TAOK1: variants seen among roughly 807,000 people sequenced by gnomAD.
TAOK1 encodes serine/threonine-protein kinase TAO1.
Under a neutral mutation model 138.3 loss-of-function variants are expected in TAOK1, and 21 were observed. The ratio of observed to expected loss-of-function variants is 0.15; its 90% CI spans 0.11 to 0.22. TAOK1 has a LOEUF of 0.22. Ranked by LOEUF, TAOK1 falls within the 10% of genes least tolerant of loss-of-function variation. The probability of loss-of-function intolerance (pLI) is 1.00; values close to 1 mark genes in which losing one functional copy is unlikely to be tolerated. For missense variants in TAOK1, 651 were observed against 1,227.7 expected (o/e 0.53, Z 7.02); for synonymous variants, 361 against 398.4 (o/e 0.91, Z 1.12).
chr17:29,419,435 A>ATCCACCCGCCTCGGCC (rs1243535412), intron 1 of TAOK1, among the ~76,000 whole-genome samples: 1 of 150,730 alleles, frequency 6.6e-6, no homozygotes, highest in African/African-American at 2.4e-5. Flanking sequence ...ACATCAATTG[A>ATCCACCCGCCTCGGCC]TCCACCCGCC....
At chr17:29,397,627 T>TACATGTACATTCATGTATG (rs1555555323) in intron 1 of TAOK1, among the ~76,000 whole-genome samples, 4 of 44,746 alleles carry the variant, frequency 8.9e-5, no homozygotes, top group Non-Finnish European at 1.5e-4. Context: ...TATATATATA[T>TACATGTACATTCATGTATG]ATACATGTAT....
At chr17:29,393,107 T>A (rs1335426420) in intron 1 of TAOK1, among the ~76,000 whole-genome samples, 1 of 152,188 alleles carries the variant, frequency 6.6e-6, no homozygotes, top group Non-Finnish European at 1.5e-5. Flanking sequence ...CAAAGCTGCA[T>A]GTTGTTGATA....
Position 29,538,524 on chromosome 17 carries a change from C to G in TAOK1, c.2545-4037C>G, listed in dbSNP as rs2032262130. On this transcript the variant is annotated intron_variant, in intron 19 of 19. Transcript: ENST00000261716. The stretch of plus-strand genomic sequence containing the variant: ...GCAATCACTAAGACCCTGTACCTCT[C>G]TACAAAAACTTTGTAAAATCCTAAA... Among the ~76,000 whole-genome samples, 2 of 152,156 alleles carry G rather than the reference C, an allele frequency of 1.3e-5. 1 individual carries two copies. Among genetic ancestry groups the G allele is most frequent in the South Asian group, 4.1e-4 (2 of 4,830 alleles).
intron 2 of TAOK1, among the ~76,000 whole-genome samples, chr17:29,461,893 TG>T (rs1206627536): frequency 1.3e-5 from 2 of 152,170 alleles, no homozygotes; most frequent in African/African-American, 4.8e-5. Context: ...TGTTTATTGA[TG>T]TGTGGGAAAC....
At chr17:29,456,241 G>A (rs914867655) in intron 2 of TAOK1, among the ~76,000 whole-genome samples, 10 of 149,970 alleles carry the variant, frequency 6.7e-5, no homozygotes, top group Middle Eastern at 3.4e-3. Context: ...CCAGCTACTC[G>A]GGGAACTGAG....
At chr17:29,493,754 G>GA (rs1364164357) in intron 10 of TAOK1, among the ~76,000 whole-genome samples, 2 of 151,568 alleles carry the variant, frequency 1.3e-5, no homozygotes, top group African/African-American at 2.4e-5. Flanking sequence ...CTATCATAAA[G>GA]AAAAAAACTA....
chr17:29,480,125 T>G, intron 6 of TAOK1: 1 of 273,140 alleles, frequency 3.7e-6, no homozygotes, highest in Non-Finnish European at 6.8e-6. Context: ...ATGAACTAAT[T>G]TTTTTTTACT....
chr17:29,404,215 T>A (rs561392551), intron 1 of TAOK1: 1 of 152,286 alleles, frequency 6.6e-6, no homozygotes, highest in South Asian at 2.1e-4. Flanking sequence ...CAGACTGGAG[T>A]GCAGTGGTAG....
At chr17:29,413,398 C>A (rs1213013049) in intron 1 of TAOK1, among the ~76,000 whole-genome samples, 1 of 152,028 alleles carries the variant, frequency 6.6e-6, no homozygotes, top group Non-Finnish European at 1.5e-5. Flanking sequence ...GGAGTTCAGA[C>A]CAGCTTGGGC....
intron 13 of TAOK1, among the ~76,000 whole-genome samples, chr17:29,506,604 AAGT>A (rs1379605855): frequency 2.0e-5 from 3 of 152,226 alleles, no homozygotes; most frequent in Non-Finnish European, 2.9e-5. Flanking sequence ...AAATAATTAA[AAGT>A]AGATCTCAAA....
chr17:29,500,267 A>T (rs2031499969), intron 12 of TAOK1, among the ~76,000 whole-genome samples: 1 of 152,172 alleles, frequency 6.6e-6, no homozygotes, highest in Non-Finnish European at 1.5e-5. Context: ...GTGAGCCAAG[A>T]TCGTACCACT....
At chr17:29,471,815 A>AT (rs1045283296) in intron 3 of TAOK1, among the ~76,000 whole-genome samples, 3 of 152,200 alleles carry the variant, frequency 2.0e-5, no homozygotes, top group Non-Finnish European at 4.4e-5. Context: ...GTTTGACAGC[A>AT]TTTTACCCAT....
intron 1 of TAOK1, among the ~76,000 whole-genome samples, chr17:29,433,597 G>C (rs1905923700): frequency 6.6e-6 from 1 of 152,032 alleles, no homozygotes; most frequent in Non-Finnish European, 1.5e-5. Context: ...GGTTTTATTG[G>C]GTGAAAAGGG....
intron 1 of TAOK1, among the ~76,000 whole-genome samples, chr17:29,401,330 T>C (rs1215960642): frequency 6.6e-6 from 1 of 152,170 alleles, no homozygotes; most frequent in Non-Finnish European, 1.5e-5. Context: ...CTGTGGGCTA[T>C]ACAGGCATCT....
rs1222770525 is a variant in TAOK1 at position 29,527,128 on chromosome 17, G to GA, written c.2149-3270dup. Among the ~76,000 whole-genome samples the GA allele has an allele frequency of 4.0e-5, 6 of 149,618 alleles. No homozygotes were observed. In the South Asian group the frequency reaches 6.4e-4, roughly 16 times the overall value. On this transcript the variant is annotated intron_variant, in intron 17 of 19. Coordinates refer to ENST00000261716, the MANE Select transcript of TAOK1 (RefSeq NM_020791.4). Reference sequence around the variant, plus strand: ...TGACAGAGCAAGACTCTTTCTCAGGGAAAAAAAAAGAGGCTGGGCATGATG... The same window carrying GA: ...TGACAGAGCAAGACTCTTTCTCAGGGAAAAAAAAAAGAGGCTGGGCATGATG...
In TAOK1 at chr17:29,534,101, CT is replaced by C; in HGVS notation, c.2362-16del. The stretch of plus-strand genomic sequence containing the variant: ...TAGGATATATCTTTTTTTTTTCTCT[CT>C]CTCTCTCTGTCTCAGCTGCGTTTGG... On this transcript the variant is annotated splice_polypyrimidine_tract_variant and intron_variant, in intron 18 of 19. Transcript: ENST00000261716. The C allele has an allele frequency of 6.4e-7, 1 of 1,560,658 alleles. No individual in the cohort carries two copies. Among genetic ancestry groups the C allele is most frequent in the Non-Finnish European group, 8.6e-7 (1 of 1,156,922 alleles).
rs1002421158 is a variant in TAOK1, at chr17:29,491,798, G to A, written c.764G>A (p.Arg255His). Residue 255 changes from arginine to histidine, a missense_variant, in exon 10 of 20, where the codon CGC (arginine) becomes CAC (histidine). Physicochemically the swap from Arg to His is conservative, Grantham distance 29. Around this residue, in one of 8 missense-constraint regions of TAOK1, gnomAD observed 39 missense variants for 52.5 expected, o/e 0.74. Transcript: ENST00000261716. ...CTTTACAATAGGTCTGATTATTTTC[G>A]CAACTTTGTAGATTCTTGCCTCCAG... ...LQSNEWSDYF[R>H]NFVDSCLQKI... 6 of 1,613,262 alleles carry A rather than the reference G, an allele frequency of 3.7e-6. No homozygotes were observed. Among genetic ancestry groups the A allele is most frequent in the East Asian group, 2.2e-5 (1 of 44,868 alleles).
intron 1 of TAOK1, among the ~76,000 whole-genome samples, chr17:29,394,347 A>G (rs1904526073): frequency 6.6e-6 from 1 of 151,424 alleles, no homozygotes; most frequent in African/African-American, 2.4e-5. Context: ...TTGTATTTTT[A>G]GTAGAGACGG....
chr17:29,507,460 T>A (rs1415691997), intron 13 of TAOK1, among the ~76,000 whole-genome samples: 1 of 152,116 alleles, frequency 6.6e-6, no homozygotes, highest in African/African-American at 2.4e-5. Context: ...GTTTATTTGT[T>A]TTTTCCTATG....
Sources: allele counts gnomAD v4.1 joint callset (sites outside exome capture counted in the v4.1 genomes callset), GRCh38; gene constraint gnomAD v4.1.1; regional missense constraint gnomAD v4.1.1; transcripts MANE v1.5; gene names NCBI Gene and HGNC (gene_info 2026-07-23, HGNC 2026-07-21).